ANKRD11: variants seen among roughly 807,000 people sequenced by gnomAD.
ANKRD11 encodes the protein ankyrin repeat domain 11, also known as ankyrin repeat domain-containing protein 11.
In ANKRD11, 17 loss-of-function variants were observed where a neutral mutation model predicts 195.7. The observed-to-expected ratio is 0.09, with a 90% CI of 0.06 to 0.13. The LOEUF is 0.13. ANKRD11 is among the 10% of genes least tolerant of loss of function. ANKRD11 has a pLI of 1.00. For missense variants in ANKRD11, 3,735 were observed against 3,566.1 expected, an observed-to-expected ratio of 1.05 and a Z score of -1.21; for synonymous variants, 1,953 against 1,528.1, an observed-to-expected ratio of 1.28 and a Z score of -6.49.
At chr16:89,295,215 TG>T (rs2035337108) in intron 4 of ANKRD11, among the ~76,000 whole-genome samples, 1 of 152,182 alleles carries the variant, frequency 6.6e-6, no homozygotes, top group Admixed American at 6.5e-5. Flanking sequence ...GAACACGGCC[TG>T]CAGGCTCTGA....
At chr16:89,456,836 G>A (rs1248483056) in intron 1 of ANKRD11, among the ~76,000 whole-genome samples, 2 of 152,244 alleles carry the variant, frequency 1.3e-5, no homozygotes, top group South Asian at 2.1e-4. Context: ...CCTTCGGGGG[G>A]AACAGAAATA....
intron 1 of ANKRD11, among the ~76,000 whole-genome samples, chr16:89,455,527 A>C (rs1278218787): frequency 6.6e-6 from 1 of 152,132 alleles, no homozygotes; most frequent in Non-Finnish European, 1.5e-5. Context: ...CACTCCTTCC[A>C]ACACTGCATG....
At chr16:89,366,962 G>A (rs911970330) in intron 2 of ANKRD11, among the ~76,000 whole-genome samples, 1 of 152,200 alleles carries the variant, frequency 6.6e-6, no homozygotes, top group Non-Finnish European at 1.5e-5. Context: ...CAGACCCACA[G>A]GCTGGATTAG....
rs1205729029 is a variant in ANKRD11, at chr16:89,279,293, C to T, written c.7249G>A (p.Ala2417Thr). ...TREVIQQTLA[A>T]IVDAIKLDAI... ...TCCAGCTTGATGGCGTCCACGATGGCGGCCAGCGTCTGCTGGATCACCTCC... is the reference window on the plus strand; with the variant it reads ...TCCAGCTTGATGGCGTCCACGATGGTGGCCAGCGTCTGCTGGATCACCTCC... The change falls in exon 9 of 13, where the codon GCC (alanine) becomes ACC (threonine). Residue 2417 changes from alanine (A) to threonine (T), a missense_variant. Physicochemically the swap from Ala to Thr is moderately conservative, Grantham distance 58 (BLOSUM62 0). Coordinates refer to ENST00000301030, the MANE Select transcript of ANKRD11 (RefSeq NM_013275.6). The surrounding 1 kb of genome is among the most constrained non-coding windows in gnomAD (Gnocchi z 5.6). 8 of 1,611,474 alleles carry T rather than the reference C, an allele frequency of 5.0e-6. No homozygotes were observed. The highest frequency in any genetic ancestry group is 4.0e-5 in the African/African-American group (3 of 74,846).
intron 6 of ANKRD11, among the ~76,000 whole-genome samples, chr16:89,289,238 G>A (rs1363132608): frequency 1.3e-5 from 2 of 152,134 alleles, no homozygotes; most frequent in South Asian, 4.1e-4. Flanking sequence ...TCGGCCCCAC[G>A]GAAGCACACG....
At chr16:89,366,820 T>C (rs1024683235) in intron 2 of ANKRD11, among the ~76,000 whole-genome samples, 1 of 152,244 alleles carries the variant, frequency 6.6e-6, no homozygotes, top group Admixed American at 6.5e-5. Context: ...AAAGGCTTTC[T>C]GGAAGGGTCC....
intron 1 of ANKRD11, among the ~76,000 whole-genome samples, chr16:89,465,860 G>A (rs560458893): frequency 8.5e-5 from 13 of 152,248 alleles, no homozygotes; most frequent in Admixed American, 2.6e-4. Flanking sequence ...GCAGGCGCCC[G>A]CCACCATGCC....
intron 2 of ANKRD11, among the ~76,000 whole-genome samples, chr16:89,350,899 G>A (rs763495143): frequency 4.6e-5 from 7 of 152,240 alleles, no homozygotes; most frequent in South Asian, 2.1e-4. Context: ...ACTGTGTTAC[G>A]ATTTCTTTCC....
intron 2 of ANKRD11, among the ~76,000 whole-genome samples, chr16:89,365,303 ACCT>A (rs929480297): frequency 2.6e-5 from 4 of 152,008 alleles, no homozygotes; most frequent in Non-Finnish European, 4.4e-5. Context: ...TTGTGTCATC[ACCT>A]CCTGACGTTT....
chr16:89,320,719 C>T (rs1490640535), intron 2 of ANKRD11, among the ~76,000 whole-genome samples: 1 of 152,236 alleles, frequency 6.6e-6, no homozygotes, highest in Non-Finnish European at 1.5e-5. Flanking sequence ...CCTGGCAGCC[C>T]CGCATCTGTG....
chr16:89,370,392 G>A (rs2040142051), intron 2 of ANKRD11, among the ~76,000 whole-genome samples: 1 of 152,164 alleles, frequency 6.6e-6, no homozygotes, highest in Admixed American at 6.5e-5. Flanking sequence ...CACACCCTGG[G>A]CCCAGTTAGG....
intron 2 of ANKRD11, among the ~76,000 whole-genome samples, chr16:89,400,928 C>G (rs569490931): frequency 6.6e-6 from 1 of 152,270 alleles, no homozygotes; most frequent in Non-Finnish European, 1.5e-5. Context: ...CTCACAGGCT[C>G]CACCCTGCTC....
intron 2 of ANKRD11, among the ~76,000 whole-genome samples, chr16:89,404,284 A>G (rs2041821483): frequency 6.6e-6 from 1 of 152,184 alleles, no homozygotes; most frequent in African/African-American, 2.4e-5. Context: ...CTAAATCACC[A>G]GCAAAGACTC....
intron 7 of ANKRD11, chr16:89,287,068 C>T: frequency 5.4e-6 from 7 of 1,289,788 alleles, no homozygotes; most frequent in Non-Finnish European, 7.1e-6. Context: ...GGTCAGAGGT[C>T]AAGGTGCTGG....
intron 1 of ANKRD11, among the ~76,000 whole-genome samples, chr16:89,462,338 C>A (rs937231937): frequency 1.3e-5 from 2 of 152,180 alleles, no homozygotes; most frequent in African/African-American, 2.4e-5. Flanking sequence ...CCCGAGGTGC[C>A]GGGATTGCAG....
intron 2 of ANKRD11, among the ~76,000 whole-genome samples, chr16:89,346,457 G>A (rs547690668): frequency 4.6e-5 from 7 of 152,106 alleles, no homozygotes; most frequent in Admixed American, 1.3e-4. Flanking sequence ...CAATAATCAC[G>A]CAATCCATTT....
chr16:89,334,629 G>C (rs942184109), intron 2 of ANKRD11, among the ~76,000 whole-genome samples: 5 of 152,110 alleles, frequency 3.3e-5, no homozygotes, highest in African/African-American at 1.2e-4. Context: ...GCAGAGCCCA[G>C]CGCAGTCTCA....
rs1228696930 is a variant in ANKRD11 at position 89,280,016 on chromosome 16, C to G, written c.6526G>C (p.Gly2176Arg). 2 of 1,612,626 alleles carry G rather than the reference C, an allele frequency of 1.2e-6. No individual in the cohort carries two copies. Among genetic ancestry groups the G allele is most frequent in the South Asian group, 1.1e-5 (1 of 91,086 alleles). The change falls in exon 9 of 13, where the codon GGT (glycine) becomes CGT (arginine). Residue 2176 changes from glycine to arginine, a missense_variant. Gly to Arg is a moderately radical substitution (Grantham distance 125). Transcript: ENST00000301030. ...GCCACTACGGTGGAAACATCCCCAC[C>G]GTTTATGACCCCGGGGGCCCCTGGA... ...MPPGAPGVIN[G>R]GDVSTVVAEE...
chr16:89,361,872 C>T (rs1798385756), intron 2 of ANKRD11, among the ~76,000 whole-genome samples: 1 of 152,130 alleles, frequency 6.6e-6, no homozygotes, highest in Non-Finnish European at 1.5e-5. Context: ...TAGATAAGAC[C>T]TTCAAAACAG....
Sources: allele counts gnomAD v4.1 joint callset (sites outside exome capture counted in the v4.1 genomes callset), GRCh38; gene constraint gnomAD v4.1.1; non-coding constraint Gnocchi (gnomAD v3.1); transcripts MANE v1.5; gene names NCBI Gene and HGNC (gene_info 2026-07-23, HGNC 2026-07-21).